Variants in PHACTR2 observed in about 807,000 individuals in gnomAD.
PHACTR2 encodes the protein phosphatase and actin regulator 2.
PHACTR2 carries 30 observed loss-of-function variants against 76.0 expected under a neutral mutation model. The observed-to-expected ratio is 0.39, with a 90% CI of 0.30 to 0.54. The LOEUF (loss-of-function observed/expected upper bound fraction) is 0.54, where lower values mean the gene tolerates loss of function less well. Among genes scored for constraint, PHACTR2 ranks in the 20% least tolerant of loss-of-function variants. PHACTR2 has a pLI of 0.61. For synonymous variants in PHACTR2, 292 were observed against 292.5 expected, an observed-to-expected ratio of 1.00 and a Z score of 0.02; for missense variants, 696 against 781.1, an observed-to-expected ratio of 0.89 and a Z score of 1.30.
In PHACTR2 at chr6:143,639,716, T is replaced by C. The variant is rs1406794765; in HGVS notation, c.13+31394T>C. Among the ~76,000 whole-genome samples, 4 of 152,184 alleles carry C rather than the reference T, an allele frequency of 2.6e-5. No homozygotes were observed. Among genetic ancestry groups the C allele is most frequent in the Non-Finnish European group, 5.9e-5 (4 of 68,034 alleles). ...GCTTGATGTAATTGATCAAGAACTC[T>C]GCACACAACAAGTAGATATTCATTC... On this transcript the variant is annotated intron_variant, in intron 1 of 11. Coordinates refer to the PHACTR2 transcript ENST00000305766. The surrounding 1 kb of genome is among the most constrained non-coding windows in gnomAD (Gnocchi z 5.0).
rs952497608 is a variant in PHACTR2 at position 143,801,373 on chromosome 6, T to C, written c.1846-5684T>C. ...TTTGGTCTTTTCACATAGTCTCATATTTATTGGAGGCTTTGTTCATTTCTT... is the reference window on the plus strand; with the variant it reads ...TTTGGTCTTTTCACATAGTCTCATACTTATTGGAGGCTTTGTTCATTTCTT... On this transcript the variant is annotated intron_variant, in intron 11 of 12. Coordinates refer to ENST00000440869, the MANE Select transcript of PHACTR2 (RefSeq NM_001100164.2). The surrounding 1 kb of genome is among the most constrained non-coding windows in gnomAD (Gnocchi z 4.6). Among the ~76,000 whole-genome samples, 1 of 152,232 alleles carries C rather than the reference T, an allele frequency of 6.6e-6. No individual in the cohort carries two copies. Among genetic ancestry groups the C allele is most frequent in the Non-Finnish European group, 1.5e-5 (1 of 68,042 alleles).
At position 143,782,985 on chromosome 6, in the gene PHACTR2, A is replaced by G. The variant is rs116174033; in HGVS notation, c.1646-234A>G. 1.4e-3 allele frequency among the ~76,000 whole-genome samples: 202 copies of G among 148,440 alleles called. 1 individual carries two copies. The highest frequency in any genetic ancestry group is 4.8e-3 in the African/African-American group (192 of 40,034). On this transcript the variant is annotated intron_variant, in intron 9 of 12. Coordinates refer to ENST00000440869, the MANE Select transcript of PHACTR2 (RefSeq NM_001100164.2). The surrounding 1 kb of genome is among the most constrained non-coding windows in gnomAD (Gnocchi z 4.6). ...AAAACGTTTAAAATTAGTAAAGCAA[A>G]CCAGTCCTACAAAAAAAGCATGTGT...
chr6:143,614,024 C>T (rs967307378), intron 1 of PHACTR2, among the ~76,000 whole-genome samples: 2 of 152,112 alleles, frequency 1.3e-5, no homozygotes, highest in African/African-American at 4.8e-5. Context: ...AGTTCGAGAC[C>T]AGCCTGACCA....
At position 143,708,892 on chromosome 6, in the gene PHACTR2, C is replaced by T. The variant is rs1778108806; in HGVS notation, c.47-3124C>T. On this transcript the variant is annotated intron_variant, in intron 1 of 12. Transcript: ENST00000440869. This position sits in a 1 kb window ranked among gnomAD's most constrained non-coding sequence, Gnocchi z 5.5. ...ATATGTGGATTGGGAGAGAAAGATC[C>T]CATGTATTGTAAGAAAATGAAAACT... Among the ~76,000 whole-genome samples, 1 of 151,996 alleles carries T rather than the reference C, an allele frequency of 6.6e-6. No individual in the cohort carries two copies. Among genetic ancestry groups the T allele is most frequent in the South Asian group, 2.1e-4 (1 of 4,816 alleles).
chr6:143,823,536 G>T lies in PHACTR2; in HGVS notation c.1923-138G>T. 4.9e-6 allele frequency: 3 copies of T among 606,654 alleles called. No individual in the cohort carries two copies. The South Asian group carries it at 6.9e-5, about 14-fold the overall frequency. The allele number at this position is 606,654 out of a possible 1,614,324, so 37.6% of individuals were successfully genotyped here. A position where few individuals can be genotyped will look rare whatever the true frequency, so the allele number is the denominator to read the frequency against. The stretch of plus-strand genomic sequence containing the variant: ...TTTGTAACAGTATTTTGTTATGACA[G>T]AAATTTGTAAACAGTAATTCAGTTG... On this transcript the variant is annotated intron_variant, in intron 12 of 12. Transcript: ENST00000440869. This position sits in a 1 kb window ranked among gnomAD's most constrained non-coding sequence, Gnocchi z 5.7.
chr6:143,650,146 CTCT>C (rs993043251), intron 1 of PHACTR2, among the ~76,000 whole-genome samples: 1 of 152,124 alleles, frequency 6.6e-6, no homozygotes, highest in African/African-American at 2.4e-5. Context: ...AGTGAAGGAC[CTCT>C]TCAAGGAGAA....
At chr6:143,594,954 C>A (rs1221424760) in intron 1 of PHACTR2, among the ~76,000 whole-genome samples, 2 of 152,220 alleles carry the variant, frequency 1.3e-5, no homozygotes, top group Non-Finnish European at 2.9e-5. Context: ...TTTAGCAGAG[C>A]TCCTTTGTAT....
rs559417124 is a variant in PHACTR2, at chr6:143,705,484, T to C, written c.47-6532T>C. ...CAATTTTTTGTATTTTTAGTAGAGA[T>C]GGGGTTTCACCATGTTAGCCAAGAT... is the stretch of plus-strand genomic sequence containing the variant. On this transcript the variant is annotated intron_variant, in intron 1 of 12. Coordinates refer to ENST00000440869, the MANE Select transcript of PHACTR2 (RefSeq NM_001100164.2). 3.2e-3 allele frequency among the ~76,000 whole-genome samples: 486 copies of C among 151,922 alleles called. 6 individuals are homozygous for C. The highest frequency in any genetic ancestry group is 0.011 in the African/African-American group (441 of 41,452).
chr6:143,703,926 C>T (rs1245670611), intron 1 of PHACTR2, among the ~76,000 whole-genome samples: 1 of 152,166 alleles, frequency 6.6e-6, no homozygotes, highest in Non-Finnish European at 1.5e-5. Flanking sequence ...TGTTCAAGGA[C>T]ATGACTATAA....
intron 1 of PHACTR2, among the ~76,000 whole-genome samples, chr6:143,609,506 G>A (rs150924180): frequency 6.6e-6 from 1 of 152,124 alleles, no homozygotes; most frequent in East Asian, 1.9e-4. Context: ...GCATGTATAT[G>A]GATTATACCC....
chr6:143,559,151 A>G (rs1042503322), intron 1 of PHACTR2, among the ~76,000 whole-genome samples: 1 of 152,210 alleles, frequency 6.6e-6, no homozygotes, highest in African/African-American at 2.4e-5. Context: ...GCTATAATAT[A>G]TAGATGACTC....
intron 1 of PHACTR2, among the ~76,000 whole-genome samples, chr6:143,594,001 A>T (rs1284334580): frequency 2.0e-5 from 3 of 152,190 alleles, no homozygotes; most frequent in African/African-American, 7.2e-5. Flanking sequence ...GTTTTTATCC[A>T]TGTTGCAGAT....
rs955240531 is a variant in PHACTR2 at position 143,816,230 on chromosome 6, G to C, written c.1923-7444G>C. 6.6e-6 allele frequency among the ~76,000 whole-genome samples: 1 copy of C among 152,036 alleles called. No individual in the cohort carries two copies. Among genetic ancestry groups the C allele is most frequent in the African/African-American group, 2.4e-5 (1 of 41,392 alleles). ...GCCAAAACTGTCATGCTGTCACATA[G>C]ACAAACTTCTCAAGACGTAAAGCTG... On this transcript the variant is annotated intron_variant, in intron 12 of 12. Transcript: ENST00000440869. This position sits in a 1 kb window ranked among gnomAD's most constrained non-coding sequence, Gnocchi z 4.5.
rs139885488 is a variant in PHACTR2 at position 143,811,740 on chromosome 6, A to G, written c.1922+4607A>G. ...CCAGTAGGGATATAGTTTGTCTCCAAGACATAAAAATAATGCTTATGATTT... is the reference window on the plus strand; with the variant it reads ...CCAGTAGGGATATAGTTTGTCTCCAGGACATAAAAATAATGCTTATGATTT... On this transcript the variant is annotated intron_variant, in intron 12 of 12. Transcript: ENST00000440869. The surrounding 1 kb of genome is among the most constrained non-coding windows in gnomAD (Gnocchi z 4.1). Among the ~76,000 whole-genome samples, 5 of 152,286 alleles carry G rather than the reference A, an allele frequency of 3.3e-5. No individual in the cohort carries two copies. Among genetic ancestry groups the G allele is most frequent in the African/African-American group, 1.2e-4 (5 of 41,574 alleles).
Position 143,583,896 on chromosome 6 carries a change from T to G in PHACTR2, c.217+46689T>G, listed in dbSNP as rs575583171. 1.6e-4 allele frequency among the ~76,000 whole-genome samples: 25 copies of G among 152,370 alleles called. No homozygotes were observed. In the East Asian group the frequency reaches 4.4e-3, roughly 27 times the overall value. On this transcript the variant is annotated intron_variant, in intron 1 of 11. Transcript: ENST00000367584. The surrounding 1 kb of genome is among the most constrained non-coding windows in gnomAD (Gnocchi z 4.0). ...CAGAATTCTGAGAGGTCTAGAGTGCTGGGACGGTGTCTTATTTATCTCTAC... is the reference window on the plus strand; with the variant it reads ...CAGAATTCTGAGAGGTCTAGAGTGCGGGGACGGTGTCTTATTTATCTCTAC...
intron 1 of PHACTR2, among the ~76,000 whole-genome samples, chr6:143,694,887 T>A (rs1280421123): frequency 6.6e-6 from 1 of 152,200 alleles, no homozygotes; most frequent in Non-Finnish European, 1.5e-5. Context: ...CAGGAAACTT[T>A]TAACTGGTGC....
At chr6:143,785,571 A>G (rs1775537067) in intron 10 of PHACTR2, among the ~76,000 whole-genome samples, 1 of 152,218 alleles carries the variant, frequency 6.6e-6, no homozygotes, top group African/African-American at 2.4e-5. Context: ...GTGCCCCAGT[A>G]GGGACTCTGT....
rs1162597403 is a variant in PHACTR2 at position 143,537,342 on chromosome 6, G to A, written c.217+135G>A. 6.3e-6 allele frequency: 1 copy of A among 158,272 alleles called. No homozygotes were observed. Among genetic ancestry groups the A allele is most frequent in the African/African-American group, 2.4e-5 (1 of 41,420 alleles). The allele number at this position is 158,272 out of a possible 1,614,324, so 9.8% of individuals were successfully genotyped here. Reference sequence around the variant, plus strand: ...GGCGGGGTGGGGGTGGGGGACAGGGGAGGGCGGAGGCTGAACTCCCCACAC... The same window carrying A: ...GGCGGGGTGGGGGTGGGGGACAGGGAAGGGCGGAGGCTGAACTCCCCACAC... On this transcript the variant is annotated intron_variant, in intron 1 of 11. Transcript: ENST00000367584. The surrounding 1 kb of genome is among the most constrained non-coding windows in gnomAD (Gnocchi z 4.4).
chr6:143,748,892 G>A lies in PHACTR2; in HGVS notation c.215-93G>A. The A allele has an allele frequency of 4.5e-6, 3 of 662,898 alleles. No homozygotes were observed. In the South Asian group the frequency reaches 5.7e-5, roughly 13 times the overall value. The allele number at this position is 662,898 out of a possible 1,614,324, so 41.1% of individuals were successfully genotyped here. On this transcript the variant is annotated intron_variant, in intron 2 of 12. Coordinates refer to ENST00000440869, the MANE Select transcript of PHACTR2 (RefSeq NM_001100164.2). ...AAAACGAGTTTGAGCCCTCATGTGA[G>A]GAGAATAAATGTGCTCAATTCTACT...
Sources: allele counts gnomAD v4.1 joint callset (sites outside exome capture counted in the v4.1 genomes callset), GRCh38; gene constraint gnomAD v4.1.1; non-coding constraint Gnocchi (gnomAD v3.1); transcripts MANE v1.5; gene names NCBI Gene and HGNC (gene_info 2026-07-23, HGNC 2026-07-21).